The following TARBP1 variants were observed in gnomAD, a reference collection of about 807,000 sequenced individuals.
TARBP1 encodes tRNA guanosine 2 -O-methyltransferase TARBP1.
In TARBP1, 144 loss-of-function variants were observed where a neutral mutation model predicts 178.6. That is an observed-to-expected ratio of 0.81 (90% CI 0.70 to 0.93). TARBP1 has a LOEUF of 0.93. Ranked by LOEUF, TARBP1 falls within the 40% of genes least tolerant of loss-of-function variation. TARBP1 has a pLI of 0.00. For synonymous variants in TARBP1, 787 were observed against 781.0 expected (o/e 1.01, Z -0.13); for missense variants, 2,067 against 2,011.7 (o/e 1.03, Z -0.53).
At chr1:234,449,889 T>C (rs539194106) in intron 10 of TARBP1, among the ~76,000 whole-genome samples, 1 of 152,368 alleles carries the variant, frequency 6.6e-6, no homozygotes, top group South Asian at 2.1e-4. Context: ...GCTTCTCTAA[T>C]GTTGTCTTAT....
At chr1:234,414,676 T>A (rs376983444) in intron 22 of TARBP1, among the ~76,000 whole-genome samples, 1 of 151,588 alleles carries the variant, frequency 6.6e-6, no homozygotes, top group Non-Finnish European at 1.5e-5. Flanking sequence ...GATTCAAGAG[T>A]GGGTTGGGAA....
At chr1:234,402,733 C>T (rs1372876682) in intron 24 of TARBP1, among the ~76,000 whole-genome samples, 1 of 151,946 alleles carries the variant, frequency 6.6e-6, no homozygotes, top group Non-Finnish European at 1.5e-5. Context: ...TGCCACCATA[C>T]CCCGCTAACT....
intron 17 of TARBP1, among the ~76,000 whole-genome samples, 169 bp downstream of exon 17, chr1:234,428,967 C>T (rs532246461): frequency 6.6e-6 from 1 of 152,318 alleles, no homozygotes; most frequent in South Asian, 2.1e-4. Context: ...TCTTCTACAT[C>T]TGTCAGATTT....
chr1:234,465,686 T>C lies in TARBP1; in HGVS notation c.1271A>G (p.Asp424Gly). 1 of 1,561,678 alleles carries C rather than the reference T, an allele frequency of 6.4e-7. No individual in the cohort carries two copies. The highest frequency in any genetic ancestry group is 2.3e-5 in the East Asian group (1 of 43,522). ...FSEFIIGPLM[D>G]ALSESSLYSR... ...ATACAGAGAGCTCTCTGAAAGCGCATCCATTAATGGTCCAATAATAAACTA... is the reference window on the plus strand; with the variant it reads ...ATACAGAGAGCTCTCTGAAAGCGCACCCATTAATGGTCCAATAATAAACTA... Residue 424 changes from aspartate to glycine, a missense_variant, in exon 5 of 30, where the codon GAT (aspartate) becomes GGT (glycine). Physicochemically the swap from Asp to Gly is moderately conservative, Grantham distance 94 (BLOSUM62 -1). Coordinates refer to ENST00000040877, the MANE Select transcript of TARBP1 (RefSeq NM_005646.4).
At chr1:234,460,522 T>C (rs1667746540) in intron 6 of TARBP1, 126 bp from the exon 7 acceptor site, 5 of 961,540 alleles carry the variant, frequency 5.2e-6, no homozygotes, top group Non-Finnish European at 7.7e-6. Context: ...CACACTATGA[T>C]GGCTATAATC....
chr1:234,418,287 AAT>A (rs1249434452), intron 21 of TARBP1, 54 bp from the exon 22 acceptor site: 4 of 1,436,104 alleles, frequency 2.8e-6, no homozygotes, highest in Non-Finnish European at 3.7e-6. Context: ...TTAATTTAAA[AAT>A]AGTCTCCATT....
chr1:234,476,661 T>TA (rs1456328372), intron 1 of TARBP1, among the ~76,000 whole-genome samples: 7 of 152,234 alleles, frequency 4.6e-5, no homozygotes, highest in Non-Finnish European at 1.5e-5. Context: ...GTTTCCTACA[T>TA]AGATCACCTG....
At chr1:234,475,766 G>A (rs1296342337) in intron 1 of TARBP1, among the ~76,000 whole-genome samples, 1 of 152,232 alleles carries the variant, frequency 6.6e-6, no homozygotes, top group African/African-American at 2.4e-5. Flanking sequence ...CCTGAGGGAG[G>A]GACGAAGCCT....
In TARBP1 at chr1:234,433,512, C is replaced by T. The variant is rs1406557694; in HGVS notation, c.2292G>A (p.Leu764=). ...YLMVLTELIN[L]HLKVGWKRGN... is the part of the protein sequence containing the mutation. ...CCCTTTTCCACCCAACCTTCAAATG[C>T]AGATTTATAAGCTCAGTTAACACCA... Residue 764 remains leucine, a synonymous_variant, in exon 14 of 30, where the codon CTG becomes CTA. Transcript: ENST00000040877. 2.5e-6 allele frequency: 4 copies of T among 1,613,906 alleles called. No homozygotes were observed. Among genetic ancestry groups the T allele is most frequent in the Non-Finnish European group, 2.5e-6 (3 of 1,179,984 alleles).
chr1:234,392,579 A>G, intron 28 of TARBP1, 27 bp from the exon 29 acceptor site: 1 of 1,610,294 alleles, frequency 6.2e-7, no homozygotes, highest in Non-Finnish European at 8.5e-7. Flanking sequence ...AAAGAACAGA[A>G]TATTCATTCA....
chr1:234,429,754 T>A, intron 15 of TARBP1, 77 bp from the exon 16 acceptor site: 2 of 885,282 alleles, frequency 2.3e-6, no homozygotes, highest in Non-Finnish European at 3.1e-6. Flanking sequence ...CACACTATCC[T>A]TTCTAAAGGT....
Position 234,460,248 on chromosome 1 carries a change from C to T in TARBP1, c.1535+13G>A. 1 of 1,611,096 alleles carries T rather than the reference C, an allele frequency of 6.2e-7. No homozygotes were observed. The highest frequency in any genetic ancestry group is 8.5e-7 in the Non-Finnish European group (1 of 1,179,258). ...GCAAATAACCATACAAGTACATATA[C>T]AGAGTAAATTACCTGAGAGCAAGAA... On this transcript the variant is annotated intron_variant, in intron 7 of 29. Transcript: ENST00000040877.
intron 9 of TARBP1, among the ~76,000 whole-genome samples, chr1:234,453,317 C>CTT (rs199646231): frequency 2.3e-3 from 295 of 130,234 alleles, no homozygotes; most frequent in African/African-American, 8.9e-3. Context: ...ACTCTCTGTA[C>CTT]TTTTTTTGTG....
At chr1:234,449,030 G>A (rs2103216579) in intron 10 of TARBP1, among the ~76,000 whole-genome samples, 1 of 152,278 alleles carries the variant, frequency 6.6e-6, no homozygotes, top group Middle Eastern at 3.4e-3. Flanking sequence ...CGACTCAAGA[G>A]GAAAGATGAA....
At chr1:234,426,024 T>G (rs1220385973) in intron 19 of TARBP1, among the ~76,000 whole-genome samples, 1 of 152,226 alleles carries the variant, frequency 6.6e-6, no homozygotes, top group African/African-American at 2.4e-5. Context: ...CACAAATTCA[T>G]CCAGATTTCT....
At chr1:234,434,913 G>A (rs1368207422) in intron 13 of TARBP1, among the ~76,000 whole-genome samples, 5 of 152,130 alleles carry the variant, frequency 3.3e-5, no homozygotes, top group African/African-American at 1.2e-4. Context: ...CATCATAGAA[G>A]TTAAGCAGTG....
chr1:234,456,912 C>G (rs1667339933), intron 9 of TARBP1, among the ~76,000 whole-genome samples: 1 of 152,236 alleles, frequency 6.6e-6, no homozygotes, highest in South Asian at 2.1e-4. Flanking sequence ...TTTTTAAAGG[C>G]CACAATTTGC....
chr1:234,418,934 A>G (rs141300896), intron 21 of TARBP1, among the ~76,000 whole-genome samples: 2,310 of 152,332 alleles, frequency 0.015, 58 homozygotes, highest in African/African-American at 0.051. Flanking sequence ...GCACTTTGGG[A>G]GGCCGAGGCG....
chr1:234,470,342 T>C (rs892585268), intron 3 of TARBP1, among the ~76,000 whole-genome samples: 24 of 152,252 alleles, frequency 1.6e-4, no homozygotes, highest in Middle Eastern at 3.4e-3. Flanking sequence ...GACGAGTCCT[T>C]ATCTTTTAAA....
Sources: gnomAD v4.1 joint callset for allele counts (sites outside exome capture counted in the v4.1 genomes callset) on GRCh38, gnomAD v4.1.1 for gene constraint, MANE v1.5 for transcripts, NCBI Gene and HGNC (gene_info 2026-07-23, HGNC 2026-07-21) for gene names.